DPYD: variants seen among roughly 807,000 people sequenced by gnomAD.
DPYD encodes dihydropyrimidine dehydrogenase [NADP(+)].
In DPYD, 109 loss-of-function variants were observed where a neutral mutation model predicts 116.2. The observed-to-expected ratio is 0.94, with a 90% confidence interval of 0.80 to 1.10. The LOEUF is 1.10. Among genes scored for constraint, DPYD ranks in the 50% least tolerant of loss-of-function variants. The pLI, the probability that DPYD is intolerant of heterozygous loss-of-function variation, is 0.00. For missense variants in DPYD, 1,302 were observed against 1,254.5 expected, an observed-to-expected ratio of 1.04 and a Z score of -0.57; for synonymous variants, 440 against 432.0, an observed-to-expected ratio of 1.02 and a Z score of -0.23.
chr1:97,206,694 T>C (rs1659655352), intron 19 of DPYD, among the ~76,000 whole-genome samples: 1 of 119,632 alleles, frequency 8.4e-6, no homozygotes, highest in African/African-American at 2.8e-5. Context: ...ATATAATCTA[T>C]ATGCTTATAA....
At chr1:97,224,844 T>C (rs1167583829) in intron 19 of DPYD, among the ~76,000 whole-genome samples, 1 of 152,026 alleles carries the variant, frequency 6.6e-6, no homozygotes, top group Non-Finnish European at 1.5e-5. Context: ...TGGCAGGATC[T>C]TTTTTACAGC....
chr1:97,476,228 T>C (rs1248019267), intron 13 of DPYD, among the ~76,000 whole-genome samples: 1 of 152,166 alleles, frequency 6.6e-6, no homozygotes, highest in Admixed American at 6.5e-5. Flanking sequence ...CAGATCCTTT[T>C]TAAAGACAAA....
chr1:97,257,395 T>C (rs1291762393), intron 18 of DPYD, among the ~76,000 whole-genome samples: 1 of 150,462 alleles, frequency 6.6e-6, no homozygotes, highest in Non-Finnish European at 1.5e-5. Flanking sequence ...CATATTTTGA[T>C]ATTTACTACT....
intron 18 of DPYD, among the ~76,000 whole-genome samples, chr1:97,253,359 A>T (rs1663236374): frequency 6.6e-6 from 1 of 152,294 alleles, no homozygotes; most frequent in Non-Finnish European, 1.5e-5. Flanking sequence ...TCAGCTTTTA[A>T]TTATTCTTTA....
rs74407500 is a variant in DPYD, at chr1:97,771,376, A to G, written c.234-30897T>C. Among the ~76,000 whole-genome samples the G allele has an allele frequency of 1.5e-3, 232 of 152,322 alleles. 1 individual carries two copies. Among genetic ancestry groups the G allele is most frequent in the African/African-American group, 5.1e-3 (210 of 41,582 alleles). Reference sequence around the variant, plus strand: ...ATGAGCTATTTCACATTTCTAGTAAAAAATACTTCTGCCTTTTTAACCAGA... The same window carrying G: ...ATGAGCTATTTCACATTTCTAGTAAGAAATACTTCTGCCTTTTTAACCAGA... On this transcript the variant is annotated intron_variant, in intron 3 of 22. Coordinates refer to ENST00000370192, the MANE Select transcript of DPYD (RefSeq NM_000110.4).
chr1:97,794,968 A>G (rs927474216), intron 3 of DPYD, among the ~76,000 whole-genome samples: 3 of 152,136 alleles, frequency 2.0e-5, no homozygotes, highest in Admixed American at 2.0e-4. Flanking sequence ...CTTGCAATAT[A>G]CCTAATCTTG....
intron 2 of DPYD, among the ~76,000 whole-genome samples, chr1:97,847,347 TAA>T (rs994523527): frequency 6.6e-6 from 1 of 152,092 alleles, no homozygotes; most frequent in African/African-American, 2.4e-5. Context: ...AAATGAAAAA[TAA>T]AAGTGTTACA....
intron 18 of DPYD, among the ~76,000 whole-genome samples, chr1:97,300,822 C>A (rs976056516): frequency 1.3e-5 from 2 of 151,952 alleles, no homozygotes; most frequent in East Asian, 3.9e-4. Flanking sequence ...ATAAACTATG[C>A]GATGTGAAGT....
intron 3 of DPYD, among the ~76,000 whole-genome samples, chr1:97,786,312 T>C (rs1667024233): frequency 6.6e-6 from 1 of 152,302 alleles, no homozygotes; most frequent in Non-Finnish European, 1.5e-5. Flanking sequence ...CATGGATTCT[T>C]TTAACGTACA....
intron 14 of DPYD, among the ~76,000 whole-genome samples, chr1:97,388,708 C>T (rs77372546): frequency 0.045 from 6,896 of 152,126 alleles, 800 homozygotes; most frequent in East Asian, 0.35. Flanking sequence ...AGAGGCAATA[C>T]ATGAATCTCT....
At chr1:97,350,252 T>C (rs1570573907) in intron 16 of DPYD, among the ~76,000 whole-genome samples, 1 of 152,172 alleles carries the variant, frequency 6.6e-6, no homozygotes, top group African/African-American at 2.4e-5. Flanking sequence ...AGGAGGAACA[T>C]ATTAAATACT....
chr1:97,566,687 AT>A (rs1201463900), intron 11 of DPYD, among the ~76,000 whole-genome samples: 4 of 152,090 alleles, frequency 2.6e-5, no homozygotes, highest in African/African-American at 9.7e-5. Flanking sequence ...TTAGTATTCA[AT>A]TTTTCCCCCT....
intron 14 of DPYD, among the ~76,000 whole-genome samples, chr1:97,384,968 T>C (rs899262369): frequency 4.6e-5 from 7 of 152,072 alleles, no homozygotes; most frequent in Admixed American, 4.6e-4. Flanking sequence ...GGATTCAATT[T>C]TTTTCGTCTA....
intron 20 of DPYD, among the ~76,000 whole-genome samples, chr1:97,099,708 G>C (rs187673868): frequency 9.3e-4 from 142 of 152,188 alleles, no homozygotes; most frequent in Non-Finnish European, 1.6e-3. Context: ...AGGTCATCCT[G>C]ATCTCTGACC....
intron 8 of DPYD, among the ~76,000 whole-genome samples, chr1:97,620,535 T>C (rs933950123): frequency 3.3e-5 from 5 of 152,174 alleles, no homozygotes; most frequent in Admixed American, 6.6e-5. Context: ...GATTTCTTAC[T>C]GGCAACATCT....
chr1:97,865,885 C>T (rs1344189301), intron 2 of DPYD, among the ~76,000 whole-genome samples: 1 of 151,976 alleles, frequency 6.6e-6, no homozygotes, highest in South Asian at 2.1e-4. Context: ...ATATACAATA[C>T]AACTTCTATT....
intron 20 of DPYD, among the ~76,000 whole-genome samples, chr1:97,129,069 CT>C (rs532541559): frequency 0.017 from 2,291 of 134,916 alleles, 41 homozygotes; most frequent in African/African-American, 0.046. Flanking sequence ...CTGCTGTATT[CT>C]TTTTTTTTTT....
At chr1:97,110,540 C>G (rs953138473) in intron 20 of DPYD, among the ~76,000 whole-genome samples, 1 of 152,134 alleles carries the variant, frequency 6.6e-6, no homozygotes, top group African/African-American at 2.4e-5. Flanking sequence ...CACAGATATA[C>G]TTTAGCGTCT....
chr1:97,711,517 A>C (rs1662283337), intron 5 of DPYD, among the ~76,000 whole-genome samples: 1 of 151,960 alleles, frequency 6.6e-6, no homozygotes, highest in Admixed American at 6.6e-5. Context: ...AAAAATCCTA[A>C]GTTGAATCAT....
Sources: allele counts gnomAD v4.1 joint callset (sites outside exome capture counted in the v4.1 genomes callset), GRCh38; gene constraint gnomAD v4.1.1; transcripts MANE v1.5; gene names NCBI Gene and HGNC (gene_info 2026-07-23, HGNC 2026-07-21).